The following SULF1 variants were observed in gnomAD, a reference collection of about 807,000 sequenced individuals.
SULF1 encodes extracellular sulfatase Sulf-1.
In SULF1, 46 loss-of-function variants were observed where a neutral mutation model predicts 110.5. That is an observed-to-expected ratio of 0.42 (90% CI 0.33 to 0.53). SULF1 has a LOEUF of 0.53. Ranked by LOEUF, SULF1 falls within the 20% of genes least tolerant of loss-of-function variation. The pLI is 0.12. For missense variants in SULF1, 941 were observed against 1,094.2 expected (o/e 0.86, Z 1.98); for synonymous variants, 371 against 387.1 (o/e 0.96, Z 0.49).
rs116865505 is a variant in SULF1, at chr8:69,496,733, C to T, written c.-229+807C>T. On this transcript the variant is annotated intron_variant, in intron 2 of 22. Coordinates refer to ENST00000402687, the MANE Select transcript of SULF1 (RefSeq NM_001128205.2). ...GCTTCATAAGCAAGTACTACACCCT[C>T]ACAATCTTTTTAGGTTAGCCGACAT... Among the ~76,000 whole-genome samples, 142 of 152,344 alleles carry T rather than the reference C, an allele frequency of 9.3e-4. No homozygotes were observed. In the East Asian group the frequency reaches 0.026, roughly 28 times the overall value.
intron 3 of SULF1, among the ~76,000 whole-genome samples, chr8:69,531,893 C>G (rs145676928): frequency 6.6e-6 from 1 of 152,090 alleles, no homozygotes; most frequent in Non-Finnish European, 1.5e-5. Flanking sequence ...TGATTACATA[C>G]GCGGCCACCC....
intron 1 of SULF1, among the ~76,000 whole-genome samples, chr8:69,471,381 C>T (rs1156238898): frequency 1.3e-5 from 2 of 149,688 alleles, no homozygotes; most frequent in African/African-American, 2.5e-5. Context: ...TAGCTTCCTC[C>T]CCACCCAGGA....
At chr8:69,544,361 C>T (rs185244347) in intron 3 of SULF1, among the ~76,000 whole-genome samples, 3 of 151,956 alleles carry the variant, frequency 2.0e-5, no homozygotes, top group African/African-American at 7.2e-5. Context: ...CTCTACCTCC[C>T]GGGTTCAGGC....
rs1363916650 is a variant in SULF1 at position 69,621,152 on chromosome 8, G to A, written c.1495G>A (p.Asp499Asn). ...GAACCTCTACGCTCGCGGCTTCCAT[G>A]ACAAAGACAAAGAGTGCAGTTGTAG... is the stretch of plus-strand genomic sequence containing the variant. Reference protein sequence around the residue: ...TRNLYARGFHDKDKECSCRES... With the variant: ...TRNLYARGFHNKDKECSCRES... Residue 499 changes from aspartate to asparagine, a missense_variant, in exon 14 of 23, where the codon GAC (aspartate) becomes AAC (asparagine). Around this residue, in one of 3 missense-constraint regions of SULF1, gnomAD observed 822 missense variants for 934.3 expected, o/e 0.88. Coordinates refer to ENST00000402687, the MANE Select transcript of SULF1 (RefSeq NM_001128205.2). The A allele has an allele frequency of 6.2e-7, 1 of 1,614,136 alleles. No individual in the cohort carries two copies. Among genetic ancestry groups the A allele is most frequent in the Non-Finnish European group, 8.5e-7 (1 of 1,180,016 alleles).
intron 22 of SULF1, among the ~76,000 whole-genome samples, chr8:69,645,208 AC>A (rs1563627251): frequency 6.6e-6 from 1 of 152,144 alleles, no homozygotes; most frequent in Non-Finnish European, 1.5e-5. Context: ...AACAGTGGCC[AC>A]CCTGGTAAGG....
At chr8:69,518,321 G>T (rs1326891923) in intron 3 of SULF1, among the ~76,000 whole-genome samples, 1 of 151,982 alleles carries the variant, frequency 6.6e-6, no homozygotes, top group Non-Finnish European at 1.5e-5. Context: ...GAGCATATTT[G>T]TAATAGCCAC....
At chr8:69,596,222 G>T (rs545355344) in intron 8 of SULF1, among the ~76,000 whole-genome samples, 1 of 152,176 alleles carries the variant, frequency 6.6e-6, no homozygotes, top group Non-Finnish European at 1.5e-5. Flanking sequence ...GGGGTATAAG[G>T]TCTGGAGTGT....
At chr8:69,605,394 T>C (rs930771327) in intron 13 of SULF1, among the ~76,000 whole-genome samples, 12 of 152,302 alleles carry the variant, frequency 7.9e-5, no homozygotes, top group Middle Eastern at 3.4e-3. Context: ...GTGACCAAGC[T>C]TGAGGAATGA....
intron 9 of SULF1, 75 bp downstream of exon 9, chr8:69,600,828 G>T: frequency 6.7e-7 from 1 of 1,495,592 alleles, no homozygotes. Context: ...TGCCAATCCT[G>T]TTTGGTTTTT....
chr8:69,480,000 C>T (rs148861252), intron 1 of SULF1, among the ~76,000 whole-genome samples: 2,008 of 151,680 alleles, frequency 0.013, 48 homozygotes, highest in African/African-American at 0.045. Context: ...GGAACAAATA[C>T]AAGAAAAAGC....
At chr8:69,477,382 T>G (rs553554282) in intron 1 of SULF1, among the ~76,000 whole-genome samples, 184 of 152,314 alleles carry the variant, frequency 1.2e-3, no homozygotes, top group African/African-American at 4.1e-3. Context: ...ACTACTACAG[T>G]AGTCTCAGAA....
At chr8:69,476,309 TTTTTG>T (rs1809297092) in intron 1 of SULF1, among the ~76,000 whole-genome samples, 1 of 152,180 alleles carries the variant, frequency 6.6e-6, no homozygotes, top group Non-Finnish European at 1.5e-5. Context: ...GTTTTGTCCT[TTTTTG>T]TTTTATTTGT....
intron 3 of SULF1, among the ~76,000 whole-genome samples, chr8:69,510,686 G>C: frequency 6.7e-6 from 1 of 148,186 alleles, no homozygotes. Context: ...GTGTGATCTT[G>C]GCTCACTGCA....
chr8:69,592,317 A>G (rs1256950030), intron 8 of SULF1, among the ~76,000 whole-genome samples: 2 of 152,206 alleles, frequency 1.3e-5, no homozygotes, highest in African/African-American at 2.4e-5. Context: ...TGAGGGTGTC[A>G]GTGAGTTTGT....
chr8:69,504,813 G>T (rs1811069731), intron 3 of SULF1, among the ~76,000 whole-genome samples: 1 of 152,014 alleles, frequency 6.6e-6, no homozygotes, highest in Non-Finnish European at 1.5e-5. Context: ...CACTACCTCT[G>T]TATTTATATA....
At chr8:69,620,385 C>T (rs56135240) in intron 13 of SULF1, among the ~76,000 whole-genome samples, 1,709 of 152,300 alleles carry the variant, frequency 0.011, 21 homozygotes, top group Middle Eastern at 0.024. Flanking sequence ...TGTAGATTCC[C>T]GGGCTTGAGG....
At chr8:69,606,200 G>A (rs1808210960) in intron 13 of SULF1, among the ~76,000 whole-genome samples, 1 of 152,114 alleles carries the variant, frequency 6.6e-6, no homozygotes, top group South Asian at 2.1e-4. Context: ...ATGCTTTCTT[G>A]TACACAGGAT....
chr8:69,502,009 A>C (rs574648950), intron 3 of SULF1, 41 bp downstream of exon 3: 1 of 152,318 alleles, frequency 6.6e-6, no homozygotes, highest in Non-Finnish European at 1.5e-5. Context: ...ACCAAGGACC[A>C]CCTGGGCACT....
intron 6 of SULF1, among the ~76,000 whole-genome samples, chr8:69,583,894 T>G (rs1225161326): frequency 6.6e-6 from 1 of 152,182 alleles, no homozygotes; most frequent in Non-Finnish European, 1.5e-5. Flanking sequence ...TGGCATCTGC[T>G]CTGGCCTTGA....
Sources: allele counts gnomAD v4.1 joint callset (sites outside exome capture counted in the v4.1 genomes callset), GRCh38; gene constraint gnomAD v4.1.1; regional missense constraint gnomAD v4.1.1; transcripts MANE v1.5; gene names NCBI Gene and HGNC (gene_info 2026-07-23, HGNC 2026-07-21).